The following CMPK2 variants were observed in gnomAD, a reference collection of about 807,000 sequenced individuals.
CMPK2 encodes UMP-CMP kinase 2, mitochondrial.
Under a neutral mutation model 33.4 loss-of-function variants are expected in CMPK2, and 32 were observed. The ratio of observed to expected loss-of-function variants is 0.96; its 90% confidence interval spans 0.72 to 1.29. CMPK2 has a LOEUF of 1.29. Ranked by LOEUF, CMPK2 falls within the 50% of genes most tolerant of loss-of-function variation. CMPK2 has a pLI of 0.00. For synonymous variants in CMPK2, 299 were observed against 275.3 expected (o/e 1.09, Z -0.85); for missense variants, 672 against 616.0 (o/e 1.09, Z -0.96).
Position 6,865,757 on chromosome 2 carries a change from G to C in CMPK2, c.-61C>G, listed in dbSNP as rs1377944591. The C allele has an allele frequency of 1.6e-6, 2 of 1,272,286 alleles. No homozygotes were observed. The highest frequency in any genetic ancestry group is 3.1e-5 in the African/African-American group (2 of 63,880). 78.8% of individuals were successfully genotyped at this position (1,272,286 alleles called of 1,614,324 possible). A position where few individuals can be genotyped will look rare whatever the true frequency, so the allele number is the denominator to read the frequency against. On this transcript the variant is annotated 5_prime_UTR_variant, in exon 1 of 5. Coordinates refer to ENST00000256722, the MANE Select transcript of CMPK2 (RefSeq NM_207315.4). ...GGAAACGAAACCTGGCGGGAGCCAG[G>C]CGCCGGCGGGAAACGAAACCCGGAG...
intron 3 of CMPK2, among the ~76,000 whole-genome samples, chr2:6,840,905 C>A (rs1662213644): frequency 6.6e-6 from 1 of 152,100 alleles, no homozygotes. Flanking sequence ...GGTGAAGGAA[C>A]ACCCCTTCAA....
At chr2:6,853,888 C>T (rs919882686) in intron 3 of CMPK2, among the ~76,000 whole-genome samples, 2 of 151,286 alleles carry the variant, frequency 1.3e-5, no homozygotes, top group Non-Finnish European at 2.9e-5. Flanking sequence ...GGCAACAGAG[C>T]GAGACTTCAT....
intron 4 of CMPK2, chr2:6,851,012 T>A (rs1662504511): frequency 9.8e-7 from 1 of 1,018,962 alleles, no homozygotes; most frequent in East Asian, 8.9e-5. Context: ...CTTAAAGTTG[T>A]AAACTGTAAA....
chr2:6,863,816 A>G (rs1195817025), intron 1 of CMPK2, among the ~76,000 whole-genome samples: 1 of 152,236 alleles, frequency 6.6e-6, no homozygotes, highest in Non-Finnish European at 1.5e-5. Context: ...GGTGGCCTGC[A>G]GCCTTCACTG....
At chr2:6,853,188 G>A (rs893908602) in intron 3 of CMPK2, among the ~76,000 whole-genome samples, 1 of 152,168 alleles carries the variant, frequency 6.6e-6, no homozygotes, top group Non-Finnish European at 1.5e-5. Context: ...GACCTCAGGT[G>A]ATCCACCCGC....
chr2:6,850,406 A>G (rs891977045), intron 4 of CMPK2, among the ~76,000 whole-genome samples: 11 of 152,202 alleles, frequency 7.2e-5, no homozygotes, highest in African/African-American at 1.9e-4. Context: ...GGACTCTTCT[A>G]ATATTTTGCC....
chr2:6,849,935 C>A lies in CMPK2; in HGVS notation c.1265G>T (p.Cys422Phe), dbSNP rs768104635. Residue 422 changes from cysteine to phenylalanine, a missense_variant, in exon 5 of 5, where the codon TGC becomes TTC. By Grantham distance (205) the Cys-to-Phe change is radical (BLOSUM62 -2). Coordinates refer to ENST00000256722, the MANE Select transcript of CMPK2 (RefSeq NM_207315.4). ...MSYQRMENPG[C>F]HVVDASPSRE... The stretch of plus-strand genomic sequence containing the variant: ...GGAGGGGCTGGCATCAACCACATGG[C>A]AGCCAGGATTCTCCATCCGCTGGTA... The A allele has an allele frequency of 1.9e-6, 3 of 1,614,064 alleles. No homozygotes were observed. Among genetic ancestry groups the A allele is most frequent in the African/African-American group, 1.3e-5 (1 of 74,934 alleles).
At chr2:6,840,642 G>A (rs970213093) in exon 4 of CMPK2, 31 of 702,190 alleles carry the variant, frequency 4.4e-5, no homozygotes, top group African/African-American at 4.2e-4. Flanking sequence ...CGAGCAGGTG[G>A]AGAGAAGGAT....
chr2:6,865,476 G>C lies in CMPK2; in HGVS notation c.221C>G (p.Ser74Trp). The C allele has an allele frequency of 7.9e-7, 1 of 1,269,650 alleles. No individual in the cohort carries two copies. Among genetic ancestry groups the C allele is most frequent in the African/African-American group, 1.6e-5 (1 of 64,100 alleles). 78.6% of individuals were successfully genotyped at this position (1,269,650 alleles called of 1,614,324 possible). A position where few individuals can be genotyped will look rare whatever the true frequency, so the allele number is the denominator to read the frequency against. ...GTCCGGGGTCACGGGCACGCACAGC[G>C]AGTAGCTGCGCTCCGGGGGCCCCAG... ...ALLGPPERSYSLCVPVTPDAG... is the reference protein window; with the variant it reads ...ALLGPPERSYWLCVPVTPDAG... Residue 74 changes from serine to tryptophan, a missense_variant, in exon 1 of 5, where the codon TCG becomes TGG. Coordinates refer to ENST00000256722, the MANE Select transcript of CMPK2 (RefSeq NM_207315.4).
chr2:6,865,713 C>A lies in CMPK2; in HGVS notation c.-17G>T. 1.6e-6 allele frequency: 2 copies of A among 1,284,522 alleles called. No homozygotes were observed. Among genetic ancestry groups the A allele is most frequent in the Non-Finnish European group, 9.8e-7 (1 of 1,018,236 alleles). 79.6% of individuals were successfully genotyped at this position (1,284,522 alleles called of 1,614,324 possible). A position where few individuals can be genotyped will look rare whatever the true frequency, so the allele number is the denominator to read the frequency against. ...GAAGGCCATGGGCGCCTCAGCGACG[C>A]CGCCCTCGGCCCCGCCTCGGAAACG... On this transcript the variant is annotated 5_prime_UTR_variant, in exon 1 of 5. Transcript: ENST00000256722.
chr2:6,862,960 C>A (rs982167561), intron 2 of CMPK2, among the ~76,000 whole-genome samples: 1 of 152,170 alleles, frequency 6.6e-6, no homozygotes, highest in Non-Finnish European at 1.5e-5. Flanking sequence ...TATATTTTGA[C>A]CTCAGTTTGA....
Position 6,865,535 on chromosome 2 carries a change from G to C in CMPK2, c.162C>G (p.Asp54Glu). 3 of 1,299,584 alleles carry C rather than the reference G, an allele frequency of 2.3e-6. No homozygotes were observed. The highest frequency in any genetic ancestry group is 4.6e-5 in the South Asian group (2 of 43,948). The allele number at this position is 1,299,584 out of a possible 1,614,324, so 80.5% of individuals were successfully genotyped here. A position where few individuals can be genotyped will look rare whatever the true frequency, so the allele number is the denominator to read the frequency against. The change falls in exon 1 of 5, where the codon GAC (aspartate) becomes GAG (glutamate). Residue 54 changes from aspartate to glutamate, a missense_variant. Asp to Glu is a conservative substitution (Grantham distance 45). Coordinates refer to ENST00000256722, the MANE Select transcript of CMPK2 (RefSeq NM_207315.4). ...CCAGGCGGGGGTCGGGGGCGTCTGC[G>C]TCGCCGGGGGCGTCGGCGCCTAGGG... ...HFALGADAPG[D>E]ADAPDPRLAA...
chr2:6,855,978 G>C (rs1662694621), intron 3 of CMPK2, among the ~76,000 whole-genome samples: 1 of 152,220 alleles, frequency 6.6e-6, no homozygotes, highest in Non-Finnish European at 1.5e-5. Context: ...GGAAAAACTA[G>C]AGGAGTCAAA....
In CMPK2 at chr2:6,864,727, C is replaced by T. The variant is rs1453550358; in HGVS notation, c.675+295G>A. The stretch of plus-strand genomic sequence containing the variant: ...TTACTTCCCAGCTGACATTATTTTC[C>T]CTCACTCCCGGCAGCCCCTTTACTC... On this transcript the variant is annotated intron_variant, in intron 1 of 4. Coordinates refer to ENST00000256722, the MANE Select transcript of CMPK2 (RefSeq NM_207315.4). Among the ~76,000 whole-genome samples, 4 of 152,138 alleles carry T rather than the reference C, an allele frequency of 2.6e-5. No homozygotes were observed. The East Asian group carries it at 7.7e-4, about 29-fold the overall frequency.
intron 3 of CMPK2, among the ~76,000 whole-genome samples, chr2:6,840,958 A>G (rs184652901): frequency 3.1e-4 from 47 of 152,302 alleles, no homozygotes; most frequent in African/African-American, 9.1e-4. Flanking sequence ...CTAAGGCTAT[A>G]GGAAGATAAG....
downstream of CMPK2, among the ~76,000 whole-genome samples, chr2:6,847,463 G>A (rs1341751337): frequency 3.9e-5 from 6 of 152,318 alleles, no homozygotes; most frequent in Admixed American, 6.5e-5. Flanking sequence ...ATCTGAATGG[G>A]CCAGAGGCTC....
At chr2:6,857,382 C>T (rs1241808353) in intron 3 of CMPK2, among the ~76,000 whole-genome samples, 8 of 143,918 alleles carry the variant, frequency 5.6e-5, no homozygotes, top group Admixed American at 5.0e-4. Context: ...CATCCTCTTG[C>T]TTTGTCATTG....
intron 3 of CMPK2, 44 bp from the exon 4 acceptor site, chr2:6,851,727 T>C (rs1407478223): frequency 9.5e-6 from 15 of 1,570,846 alleles, no homozygotes; most frequent in Non-Finnish European, 1.2e-5. Flanking sequence ...GCAGAAGAAG[T>C]CAAAGTAGCA....
chr2:6,852,906 C>T (rs531799463), intron 3 of CMPK2, among the ~76,000 whole-genome samples: 2 of 152,148 alleles, frequency 1.3e-5, no homozygotes, highest in East Asian at 1.9e-4. Flanking sequence ...CGTAGAGATA[C>T]CCAGGGGCCC....
Sources: allele counts gnomAD v4.1 joint callset (sites outside exome capture counted in the v4.1 genomes callset), GRCh38; gene constraint gnomAD v4.1.1; transcripts MANE v1.5; gene names NCBI Gene and HGNC (gene_info 2026-07-23, HGNC 2026-07-21).